Variants in DLGAP2 observed in about 807,000 individuals in gnomAD.
DLGAP2 encodes the protein disks large-associated protein 2.
Under a neutral mutation model 100.3 loss-of-function variants are expected in DLGAP2, and 26 were observed. That is an observed-to-expected ratio of 0.26 (90% CI 0.19 to 0.36). DLGAP2 has a LOEUF of 0.36. Ranked by LOEUF, DLGAP2 falls within the 10% of genes least tolerant of loss-of-function variation. The probability of loss-of-function intolerance (pLI) is 1.00; values close to 1 mark genes in which losing one functional copy is unlikely to be tolerated. For missense variants in DLGAP2, 1,858 were observed against 1,453.2 expected (o/e 1.28, Z -4.53); for synonymous variants, 886 against 630.1 (o/e 1.41, Z -6.08).
At chr8:1,517,443 C>T (rs1015793964) in intron 4 of DLGAP2, among the ~76,000 whole-genome samples, 4 of 152,110 alleles carry the variant, frequency 2.6e-5, no homozygotes, top group South Asian at 4.1e-4. Flanking sequence ...CGTCTCAGGG[C>T]GTTTCCCCAC....
At chr8:1,029,295 A>G (rs969384656) in intron 2 of DLGAP2, among the ~76,000 whole-genome samples, 1 of 152,192 alleles carries the variant, frequency 6.6e-6, no homozygotes, top group Admixed American at 6.5e-5. Context: ...TGGATGGGAT[A>G]TTAGGGCGAG....
rs115428374 is a variant in DLGAP2 at position 1,304,660 on chromosome 8, C to T, written c.106+45777C>T. Among the ~76,000 whole-genome samples, 266 of 152,120 alleles carry T rather than the reference C, an allele frequency of 1.7e-3. 2 individuals are homozygous for T. Among genetic ancestry groups the T allele is most frequent in the Middle Eastern group, 0.014 (4 of 292 alleles). On this transcript the variant is annotated intron_variant, in intron 3 of 14. Coordinates refer to ENST00000637795, the MANE Select transcript of DLGAP2 (RefSeq NM_001346810.2). ...CTACACCTTAAAGATAAATACAGTG[C>T]GGAAGTGCTTCTGATGAAGTGGCAG...
intron 3 of DLGAP2, among the ~76,000 whole-genome samples, chr8:1,341,345 C>G (rs1801411951): frequency 6.6e-6 from 1 of 152,178 alleles, no homozygotes; most frequent in African/African-American, 2.4e-5. Flanking sequence ...ACGTGCAGTC[C>G]TTTTGGCATA....
intron 3 of DLGAP2, among the ~76,000 whole-genome samples, chr8:1,320,488 G>T (rs1367153732): frequency 6.6e-6 from 1 of 152,158 alleles, no homozygotes; most frequent in African/African-American, 2.4e-5. Context: ...TCAGGAGCCG[G>T]GCAGACGGGT....
intron 2 of DLGAP2, among the ~76,000 whole-genome samples, chr8:1,220,932 T>C (rs1798303137): frequency 6.6e-6 from 1 of 152,208 alleles, no homozygotes. Flanking sequence ...CTTCCTCTTG[T>C]TTGTTTTCCA....
At chr8:1,119,617 A>G (rs1795988520) in intron 2 of DLGAP2, among the ~76,000 whole-genome samples, 1 of 152,266 alleles carries the variant, frequency 6.6e-6, no homozygotes, top group African/African-American at 2.4e-5. Context: ...ACCACAGCAC[A>G]CACGCTGTTT....
chr8:1,342,778 C>T (rs567999745), intron 3 of DLGAP2, among the ~76,000 whole-genome samples: 13 of 152,210 alleles, frequency 8.5e-5, no homozygotes, highest in African/African-American at 2.2e-4. Context: ...GTTGAAGTGC[C>T]GGAAAGACTC....
At chr8:1,691,495 G>T in intron 12 of DLGAP2, 40 bp from the exon 13 acceptor site, 1 of 1,561,352 alleles carries the variant, frequency 6.4e-7, no homozygotes, top group East Asian at 2.2e-5. Context: ...ACCCAGTTTT[G>T]AAGTTGTTGT....
chr8:1,096,811 C>G (rs1326582174), intron 2 of DLGAP2, among the ~76,000 whole-genome samples: 1 of 144,730 alleles, frequency 6.9e-6, no homozygotes, highest in Non-Finnish European at 1.5e-5. Context: ...GTGTGAGACC[C>G]AGCTCCCTGC....
At chr8:815,190 C>T (rs531389182) in intron 1 of DLGAP2, among the ~76,000 whole-genome samples, 12 of 152,278 alleles carry the variant, frequency 7.9e-5, no homozygotes, top group South Asian at 4.2e-4. Flanking sequence ...CTGGAGGCCA[C>T]GAGTCCAAAG....
intron 2 of DLGAP2, among the ~76,000 whole-genome samples, chr8:1,013,661 C>CGAT (rs1289982352): frequency 6.8e-5 from 8 of 116,952 alleles, no homozygotes; most frequent in African/African-American, 3.1e-4. Flanking sequence ...CCAGGACAGA[C>CGAT]GCCTCCACTG....
intron 3 of DLGAP2, among the ~76,000 whole-genome samples, chr8:1,372,969 G>A (rs1039070517): frequency 7.9e-5 from 12 of 152,156 alleles, no homozygotes; most frequent in Non-Finnish European, 1.6e-4. Context: ...TGGGGTTATG[G>A]CCACCTACGT....
In DLGAP2 at chr8:1,583,784, T is replaced by C. The variant is rs141454343; in HGVS notation, c.1442+17890T>C. Among the ~76,000 whole-genome samples, 102 of 152,220 alleles carry C rather than the reference T, an allele frequency of 6.7e-4. 1 individual carries two copies. The highest frequency in any genetic ancestry group is 2.3e-3 in the African/African-American group (97 of 41,540). On this transcript the variant is annotated intron_variant, in intron 6 of 14. Coordinates refer to ENST00000637795, the MANE Select transcript of DLGAP2 (RefSeq NM_001346810.2). ...AAAGGCTGATCTCACGTCTCAGCTT[T>C]CTGTTTGAGACCCTCCACGCGCTGG...
At chr8:1,012,104 TC>T (rs1479940418) in intron 2 of DLGAP2, among the ~76,000 whole-genome samples, 1 of 152,148 alleles carries the variant, frequency 6.6e-6, no homozygotes. Flanking sequence ...CAGACTCTGT[TC>T]CCCACTTGCA....
intron 3 of DLGAP2, among the ~76,000 whole-genome samples, chr8:1,445,314 C>G (rs147500115): frequency 6.9e-6 from 1 of 143,902 alleles, no homozygotes; most frequent in Non-Finnish European, 1.5e-5. Context: ...TGTTCAATTC[C>G]CACCTATGAG....
At chr8:1,158,905 A>G (rs1222779431) in intron 2 of DLGAP2, among the ~76,000 whole-genome samples, 1 of 152,242 alleles carries the variant, frequency 6.6e-6, no homozygotes, top group Non-Finnish European at 1.5e-5. Flanking sequence ...CGGCCTGACC[A>G]GTGGAACTGA....
intron 3 of DLGAP2, among the ~76,000 whole-genome samples, chr8:1,280,179 G>T (rs530960981): frequency 1.3e-5 from 2 of 152,234 alleles, no homozygotes; most frequent in South Asian, 4.1e-4. Flanking sequence ...TTTTTCATTA[G>T]CTGGTTTGGA....
At chr8:1,052,734 G>A (rs1802757442) in intron 2 of DLGAP2, among the ~76,000 whole-genome samples, 1 of 152,066 alleles carries the variant, frequency 6.6e-6, no homozygotes, top group Non-Finnish European at 1.5e-5. Flanking sequence ...ATACAGGGAG[G>A]GGTTTTCTAG....
At chr8:925,524 G>T (rs1798795159) in intron 2 of DLGAP2, among the ~76,000 whole-genome samples, 1 of 152,184 alleles carries the variant, frequency 6.6e-6, no homozygotes, top group Admixed American at 6.5e-5. Context: ...TTGTGGATGG[G>T]TGCGGAGAGA....
Sources: gnomAD v4.1 joint callset for allele counts (sites outside exome capture counted in the v4.1 genomes callset) on GRCh38, gnomAD v4.1.1 for gene constraint, MANE v1.5 for transcripts, NCBI Gene and HGNC (gene_info 2026-07-23, HGNC 2026-07-21) for gene names.